PRMT9: variants seen among roughly 807,000 people sequenced by gnomAD.
The protein encoded by PRMT9 is protein arginine N-methyltransferase 9.
In PRMT9, 59 loss-of-function variants were observed where a neutral mutation model predicts 83.2. The observed-to-expected ratio is 0.71, with a 90% CI of 0.57 to 0.88. The LOEUF (loss-of-function observed/expected upper bound fraction) is 0.88. PRMT9 is among the 40% of genes least tolerant of loss of function. PRMT9 has a pLI of 0.00. For missense variants in PRMT9, 947 were observed against 1,021.9 expected, an observed-to-expected ratio of 0.93 and a Z score of 1.00; for synonymous variants, 333 against 353.2, an observed-to-expected ratio of 0.94 and a Z score of 0.64.
Position 147,663,563 on chromosome 4 carries a change from G to A in PRMT9, c.954-2525C>T, listed in dbSNP as rs187916054. Among the ~76,000 whole-genome samples, 273 of 152,072 alleles carry A rather than the reference G, an allele frequency of 1.8e-3. 4 individuals carry two copies. Among genetic ancestry groups the A allele is most frequent in the Admixed American group, 5.0e-3 (76 of 15,272 alleles). ...GTATTTTTTATAGAGACAGGGTTTC[G>A]CTGTGTTGCCCAGGCTGCTCTCAAA... On this transcript the variant is annotated intron_variant, in intron 6 of 11. Transcript: ENST00000322396.
At chr4:147,664,118 G>A (rs2718456) in intron 6 of PRMT9, among the ~76,000 whole-genome samples, 3,301 of 152,184 alleles carry the variant, frequency 0.022, 50 homozygotes, top group Middle Eastern at 0.048. Flanking sequence ...GTTCAACACA[G>A]CAAGACAGCA....
At position 147,639,029 on chromosome 4, in the gene PRMT9, G is replaced by C. The variant is rs374848916; in HGVS notation, c.2253C>G (p.Ser751Arg). The C allele has an allele frequency of 1.2e-6, 2 of 1,612,250 alleles. No individual in the cohort carries two copies. Among genetic ancestry groups the C allele is most frequent in the African/African-American group, 2.7e-5 (2 of 74,884 alleles). The change falls in exon 11 of 12, where the codon AGC becomes AGG. Residue 751 changes from serine to arginine, a missense_variant. Ser to Arg is a moderately radical substitution (Grantham distance 110, BLOSUM62 -1). Coordinates refer to ENST00000322396, the MANE Select transcript of PRMT9 (RefSeq NM_138364.4). ...DLSSLPCIPL[S>R]KPVELLRLDL... is the part of the protein sequence containing the mutation. ...CTAGTCTTAAGAGTTCCACTGGCTT[G>C]CTTAAAGGTATACAGGGCAATGAGG...
chr4:147,653,175 T>C (rs1399728859), intron 9 of PRMT9, among the ~76,000 whole-genome samples: 7 of 152,052 alleles, frequency 4.6e-5, no homozygotes, highest in Non-Finnish European at 8.8e-5. Flanking sequence ...CAGCCGGGCA[T>C]GGTGGCTCAT....
intron 4 of PRMT9, among the ~76,000 whole-genome samples, chr4:147,672,294 A>T (rs186829867): frequency 6.6e-6 from 1 of 152,364 alleles, no homozygotes; most frequent in Admixed American, 6.5e-5. Context: ...TTCTTTCAAT[A>T]CAAACTGAAT....
At chr4:147,671,036 T>C (rs1197277912) in intron 4 of PRMT9, among the ~76,000 whole-genome samples, 3 of 152,140 alleles carry the variant, frequency 2.0e-5, no homozygotes, top group Admixed American at 6.6e-5. Context: ...CAGGCTATTT[T>C]TTCATTGCCT....
chr4:147,647,068 T>C (rs996175385), intron 9 of PRMT9, among the ~76,000 whole-genome samples: 3 of 152,144 alleles, frequency 2.0e-5, no homozygotes, highest in Non-Finnish European at 2.9e-5. Flanking sequence ...AAACAGCCAC[T>C]GTAAAACTAA....
intron 6 of PRMT9, among the ~76,000 whole-genome samples, chr4:147,667,033 C>T (rs754073878): frequency 1.3e-5 from 2 of 152,074 alleles, no homozygotes; most frequent in Non-Finnish European, 1.5e-5. Context: ...TTTGCTTAGA[C>T]AAACAATATT....
At chr4:147,640,433 G>C (rs1271678791) in intron 10 of PRMT9, among the ~76,000 whole-genome samples, 1 of 151,912 alleles carries the variant, frequency 6.6e-6, no homozygotes, top group Non-Finnish European at 1.5e-5. Context: ...ATAACTTTAT[G>C]AGTTCTCTAG....
chr4:147,656,577 C>G (rs1325937332), intron 8 of PRMT9, among the ~76,000 whole-genome samples: 2 of 151,854 alleles, frequency 1.3e-5, no homozygotes, highest in African/African-American at 4.8e-5. Context: ...TCGAGACCAT[C>G]CTGGCTAACA....
chr4:147,654,587 G>T (rs751891437), intron 8 of PRMT9, 21 bp from the exon 9 acceptor site: 1 of 1,496,982 alleles, frequency 6.7e-7, no homozygotes. Flanking sequence ...TAGTAAGGAA[G>T]AAAAAAAATA....
intron 6 of PRMT9, among the ~76,000 whole-genome samples, chr4:147,665,199 GA>G (rs1735245480): frequency 6.8e-6 from 1 of 147,672 alleles, no homozygotes; most frequent in African/African-American, 2.5e-5. Context: ...GTCGTAATTT[GA>G]AAGATACTTT....
intron 1 of PRMT9, among the ~76,000 whole-genome samples, chr4:147,682,266 G>C (rs1453102146): frequency 6.6e-6 from 1 of 151,896 alleles, no homozygotes; most frequent in Non-Finnish European, 1.5e-5. Context: ...CACAACCTCT[G>C]CCTCCCAGGT....
chr4:147,662,506 A>G (rs930894276), intron 6 of PRMT9, among the ~76,000 whole-genome samples: 6 of 152,208 alleles, frequency 3.9e-5, no homozygotes, highest in Non-Finnish European at 8.8e-5. Context: ...GATGTCAACA[A>G]AAATTTACAT....
At chr4:147,660,126 A>G (rs1734857159) in intron 7 of PRMT9, among the ~76,000 whole-genome samples, 1 of 152,234 alleles carries the variant, frequency 6.6e-6, no homozygotes, top group South Asian at 2.1e-4. Context: ...ATAAGTCAGA[A>G]AGACCTAGGT....
intron 9 of PRMT9, among the ~76,000 whole-genome samples, chr4:147,653,134 G>A (rs1734227786): frequency 6.6e-6 from 1 of 152,078 alleles, no homozygotes; most frequent in Non-Finnish European, 1.5e-5. Context: ...GTAGCAATAA[G>A]CATACAGACC....
intron 9 of PRMT9, among the ~76,000 whole-genome samples, chr4:147,645,456 TATATA>T (rs1733668821): frequency 6.6e-6 from 1 of 152,188 alleles, no homozygotes; most frequent in African/African-American, 2.4e-5. Flanking sequence ...CACTATATAT[TATATA>T]ATAGTGTTTT....
intron 6 of PRMT9, among the ~76,000 whole-genome samples, chr4:147,667,175 A>G (rs529990875): frequency 1.3e-5 from 2 of 152,324 alleles, no homozygotes; most frequent in Non-Finnish European, 2.9e-5. Context: ...AAAACTGTAC[A>G]TATTCTTTAA....
chr4:147,683,771 C>A lies in PRMT9; in HGVS notation c.189+28G>T, dbSNP rs1020487182. On this transcript the variant is annotated intron_variant, in intron 1 of 11. Coordinates refer to ENST00000322396, the MANE Select transcript of PRMT9 (RefSeq NM_138364.4). Reference sequence around the variant, plus strand: ...TTTTTTTACGAGGACGTTGGATCTGCCAGCAAGTGAGAAAAAAGGACCCTC... The same window carrying A: ...TTTTTTTACGAGGACGTTGGATCTGACAGCAAGTGAGAAAAAAGGACCCTC... 17 of 1,479,706 alleles carry A rather than the reference C, an allele frequency of 1.1e-5. 1 individual carries two copies. Among genetic ancestry groups the A allele is most frequent in the Non-Finnish European group, 1.6e-5 (17 of 1,081,680 alleles). The allele number at this position is 1,479,706 out of a possible 1,614,324, so 91.7% of individuals were successfully genotyped here. A position where few individuals can be genotyped will look rare whatever the true frequency, so the allele number is the denominator to read the frequency against.
At chr4:147,656,771 CAAAAAAAAAAA>C (rs1023416920) in intron 8 of PRMT9, among the ~76,000 whole-genome samples, 9 of 47,960 alleles carry the variant, frequency 1.9e-4, no homozygotes, top group South Asian at 1.6e-3. Context: ...GACTCTGTCT[CAAAAAAAAAAA>C]AAAAAAAAAA....
Sources: gnomAD v4.1 joint callset for allele counts (sites outside exome capture counted in the v4.1 genomes callset) on GRCh38, gnomAD v4.1.1 for gene constraint, MANE v1.5 for transcripts, NCBI Gene and HGNC (gene_info 2026-07-23, HGNC 2026-07-21) for gene names.